Variants in DOCK1 observed in about 807,000 individuals in gnomAD.
DOCK1 encodes dedicator of cytokinesis 1, also known as dedicator of cytokinesis protein 1.
In DOCK1, 138 loss-of-function variants were observed where a neutral mutation model predicts 262.7. The observed-to-expected ratio is 0.53, with a 90% CI of 0.46 to 0.61. DOCK1 has a LOEUF of 0.61. Among genes scored for constraint, DOCK1 ranks in the 20% least tolerant of loss-of-function variants. The pLI is 0.00. For missense variants in DOCK1, 1,908 were observed against 2,370.7 expected (o/e 0.80, Z 4.05); for synonymous variants, 866 against 867.4 (o/e 1.00, Z 0.03).
At chr10:127,384,180 TG>T in intron 37 of DOCK1, among the ~76,000 whole-genome samples, 1 of 152,306 alleles carries the variant, frequency 6.6e-6, no homozygotes, top group South Asian at 2.1e-4. Context: ...GCTGACACGT[TG>T]TATCTGTTAA....
chr10:127,024,568 G>T, intron 14 of DOCK1, 117 bp from the exon 15 acceptor site: 1 of 802,836 alleles, frequency 1.2e-6, no homozygotes. Flanking sequence ...TTCATTTGTG[G>T]TGGGGGTGTG....
At chr10:127,372,846 A>C (rs1590756373) in intron 33 of DOCK1, among the ~76,000 whole-genome samples, 1 of 152,224 alleles carries the variant, frequency 6.6e-6, no homozygotes, top group East Asian at 1.9e-4. Flanking sequence ...TAGAGTGTGC[A>C]TGTCTCATCT....
At chr10:127,255,308 G>A (rs958090211) in intron 28 of DOCK1, among the ~76,000 whole-genome samples, 1 of 152,136 alleles carries the variant, frequency 6.6e-6, no homozygotes, top group African/African-American at 2.4e-5. Context: ...TACTGAAACG[G>A]GAGGATCACT....
chr10:127,162,097 T>C (rs2053640168), intron 27 of DOCK1, among the ~76,000 whole-genome samples: 2 of 152,200 alleles, frequency 1.3e-5, no homozygotes, highest in Non-Finnish European at 2.9e-5. Flanking sequence ...TATTGTCTGA[T>C]TGGTTTCTCT....
chr10:126,932,710 G>A (rs2034275589), intron 1 of DOCK1, among the ~76,000 whole-genome samples: 1 of 152,206 alleles, frequency 6.6e-6, no homozygotes, highest in South Asian at 2.1e-4. Context: ...GAAGTACCAC[G>A]GCCCTCACTG....
chr10:127,243,738 A>AT (rs56298481), intron 27 of DOCK1, among the ~76,000 whole-genome samples: 1 of 152,030 alleles, frequency 6.6e-6, no homozygotes, highest in Non-Finnish European at 1.5e-5. Flanking sequence ...TGCGAGAGAG[A>AT]TTTTTTAAGA....
chr10:127,083,588 A>G (rs1181544742), intron 23 of DOCK1, among the ~76,000 whole-genome samples: 3 of 152,258 alleles, frequency 2.0e-5, no homozygotes, highest in Non-Finnish European at 2.9e-5. Context: ...TGAATTCTTT[A>G]TAATGGATGT....
chr10:127,117,839 C>T (rs933995815), intron 25 of DOCK1, among the ~76,000 whole-genome samples: 1 of 152,138 alleles, frequency 6.6e-6, no homozygotes, highest in Non-Finnish European at 1.5e-5. Flanking sequence ...TAGCTGATTT[C>T]TGTAACTGCA....
chr10:127,446,530 C>T lies in DOCK1; in HGVS notation c.5414-864C>T, dbSNP rs1206879687. Among the ~76,000 whole-genome samples, 3 of 152,066 alleles carry T rather than the reference C, an allele frequency of 2.0e-5. No individual in the cohort carries two copies. The highest frequency in any genetic ancestry group is 7.2e-5 in the African/African-American group (3 of 41,398). ...AGCAATCATGAGGACAGTCACTCAC[C>T]GAAGCCTTCGTATTTCCCTCAGCCC... On this transcript the variant is annotated intron_variant, in intron 50 of 51. Coordinates refer to ENST00000623213, the MANE Select transcript of DOCK1 (RefSeq NM_001290223.2). The surrounding 1 kb of genome is among the most constrained non-coding windows in gnomAD (Gnocchi z 4.4).
intron 6 of DOCK1, among the ~76,000 whole-genome samples, chr10:126,993,011 G>C (rs1184524491): frequency 6.6e-6 from 1 of 152,236 alleles, no homozygotes; most frequent in Non-Finnish European, 1.5e-5. Context: ...TTCGTTTGAT[G>C]GTTTGCATGT....
chr10:127,017,521 G>A (rs1375442487), intron 12 of DOCK1, among the ~76,000 whole-genome samples: 1 of 145,250 alleles, frequency 6.9e-6, no homozygotes, highest in African/African-American at 2.6e-5. Context: ...ACACACACGT[G>A]TACAGACACA....
At chr10:127,095,054 A>G (rs1244550894) in intron 23 of DOCK1, among the ~76,000 whole-genome samples, 2 of 152,184 alleles carry the variant, frequency 1.3e-5, no homozygotes, top group Non-Finnish European at 1.5e-5. Flanking sequence ...ATTTAATTCA[A>G]ATTTGTTCTT....
intron 29 of DOCK1, among the ~76,000 whole-genome samples, chr10:127,280,067 C>T (rs2060898477): frequency 7.3e-6 from 1 of 136,528 alleles, no homozygotes. Context: ...CGGAGTCTCG[C>T]TCTGTCGCCC....
Position 127,037,193 on chromosome 10 carries a change from G to A in DOCK1, c.1913-526G>A, listed in dbSNP as rs1311655581. ...AGGGCCGGAAGCTCACTCAGTGCAG[G>A]CGTGAACCTCAGTGCAGGCGTGGTC... On this transcript the variant is annotated intron_variant, in intron 18 of 51. Coordinates refer to ENST00000623213, the MANE Select transcript of DOCK1 (RefSeq NM_001290223.2). Among the ~76,000 whole-genome samples, 3 of 152,134 alleles carry A rather than the reference G, an allele frequency of 2.0e-5. 1 individual carries two copies. Among genetic ancestry groups the A allele is most frequent in the Non-Finnish European group, 4.4e-5 (3 of 68,030 alleles).
chr10:127,358,672 G>A (rs947778881), intron 32 of DOCK1, among the ~76,000 whole-genome samples: 1 of 152,132 alleles, frequency 6.6e-6, no homozygotes, highest in Non-Finnish European at 1.5e-5. Context: ...TGGCGACTGG[G>A]CAAATTGTGT....
intron 29 of DOCK1, among the ~76,000 whole-genome samples, chr10:127,295,991 C>T (rs1199755007): frequency 3.3e-5 from 5 of 152,120 alleles, no homozygotes; most frequent in Admixed American, 2.0e-4. Context: ...GGGAGACAGG[C>T]TCTGGCTTTC....
chr10:126,933,399 G>A (rs1290709762), intron 1 of DOCK1, among the ~76,000 whole-genome samples: 1 of 152,180 alleles, frequency 6.6e-6, no homozygotes, highest in Non-Finnish European at 1.5e-5. Context: ...GGGTAAGGAA[G>A]AAGCCAGCCT....
chr10:127,267,629 C>T (rs891422650), intron 29 of DOCK1, among the ~76,000 whole-genome samples: 6 of 152,200 alleles, frequency 3.9e-5, no homozygotes, highest in African/African-American at 1.4e-4. Context: ...ACGCGCACCT[C>T]GTCGGGAGTG....
rs2057653362 is a variant in DOCK1 at position 127,205,071 on chromosome 10, A to G, written c.2848-42937A>G. On this transcript the variant is annotated intron_variant, in intron 27 of 51. Transcript: ENST00000623213. ...GGTTTTTTTTTTCTTCTCTGAACCC[A>G]AATATGACAATGAGGAAATTTATTT... 2.0e-5 allele frequency among the ~76,000 whole-genome samples: 3 copies of G among 151,976 alleles called. No individual in the cohort carries two copies. The South Asian group carries it at 6.2e-4, about 31-fold the overall frequency.
Sources: allele counts gnomAD v4.1 joint callset (sites outside exome capture counted in the v4.1 genomes callset), GRCh38; gene constraint gnomAD v4.1.1; non-coding constraint Gnocchi (gnomAD v3.1); transcripts MANE v1.5; gene names NCBI Gene and HGNC (gene_info 2026-07-23, HGNC 2026-07-21).